Variants in ANTXR2 observed in about 807,000 individuals in gnomAD.
ANTXR2 encodes ANTXR cell adhesion molecule 2, also known as anthrax toxin receptor 2.
In ANTXR2, 44 loss-of-function variants were observed where a neutral mutation model predicts 73.7. That is an observed-to-expected ratio of 0.60 (90% CI 0.47 to 0.77). The LOEUF (loss-of-function observed/expected upper bound fraction) is 0.77. Ranked by LOEUF, ANTXR2 falls within the 30% of genes least tolerant of loss-of-function variation. The pLI, the probability that ANTXR2 is intolerant of heterozygous loss-of-function variation, is 0.00. For missense variants in ANTXR2, 604 were observed against 592.5 expected, an observed-to-expected ratio of 1.02 and a Z score of -0.20; for synonymous variants, 217 against 205.9, an observed-to-expected ratio of 1.05 and a Z score of -0.46.
chr4:80,040,490 TG>T (rs1451841744), intron 7 of ANTXR2, among the ~76,000 whole-genome samples: 6 of 152,042 alleles, frequency 3.9e-5, no homozygotes, highest in Non-Finnish European at 2.9e-5. Context: ...ACTCCATCAT[TG>T]GTACAAGAGA....
Position 80,055,838 on chromosome 4 carries a change from T to C in ANTXR2, c.378+94A>G, listed in dbSNP as rs1578189998. Reference sequence around the variant, plus strand: ...CACTTTAAAAACTTTAAGATAAATATGTAATGAGGTTACTGAGCTTTGCTA... The same window carrying C: ...CACTTTAAAAACTTTAAGATAAATACGTAATGAGGTTACTGAGCTTTGCTA... On this transcript the variant is annotated intron_variant, in intron 4 of 16. Transcript: ENST00000403729. The C allele has an allele frequency of 8.8e-6, 8 of 906,190 alleles. No homozygotes were observed. In the East Asian group the frequency reaches 1.8e-4, roughly 20 times the overall value. 56.1% of individuals were successfully genotyped at this position (906,190 alleles called of 1,614,324 possible).
chr4:80,004,318 A>C (rs1259843332), intron 12 of ANTXR2, among the ~76,000 whole-genome samples: 1 of 152,074 alleles, frequency 6.6e-6, no homozygotes, highest in Non-Finnish European at 1.5e-5. Context: ...AACTCTGGGG[A>C]ATATCAGAAA....
chr4:79,974,161 T>C (rs1729537141), intron 16 of ANTXR2, among the ~76,000 whole-genome samples: 1 of 152,210 alleles, frequency 6.6e-6, no homozygotes, highest in Non-Finnish European at 1.5e-5. Context: ...TGTCCATCTG[T>C]GAGAAAAGGC....
chr4:80,063,829 T>C (rs1233110206), intron 3 of ANTXR2, among the ~76,000 whole-genome samples: 1 of 152,174 alleles, frequency 6.6e-6, no homozygotes, highest in African/African-American at 2.4e-5. Context: ...GATAAGCATT[T>C]AGATTGAATA....
intron 8 of ANTXR2, 126 bp from the exon 9 acceptor site, chr4:80,033,696 C>A: frequency 1.5e-6 from 1 of 662,614 alleles, no homozygotes; most frequent in Non-Finnish European, 2.5e-6. Context: ...TAACTAATAG[C>A]AATGAAGACA....
chr4:80,020,593 C>T (rs1267480286), intron 10 of ANTXR2, among the ~76,000 whole-genome samples: 6 of 152,104 alleles, frequency 3.9e-5, no homozygotes, highest in African/African-American at 1.4e-4. Context: ...GGGCAGGAGG[C>T]CCAGAAATGT....
At chr4:79,910,511 A>G (rs1727086843) in intron 16 of ANTXR2, among the ~76,000 whole-genome samples, 4 of 131,254 alleles carry the variant, frequency 3.0e-5, no homozygotes, top group East Asian at 5.2e-4. Context: ...CCGTCTCAAA[A>G]AAAAAAAAAA....
At chr4:79,956,010 G>A (rs1728873338) in intron 16 of ANTXR2, among the ~76,000 whole-genome samples, 1 of 152,126 alleles carries the variant, frequency 6.6e-6, no homozygotes, top group Non-Finnish European at 1.5e-5. Context: ...TTTTGAACAC[G>A]CTTGTCCCTC....
intron 16 of ANTXR2, among the ~76,000 whole-genome samples, chr4:79,962,958 A>G (rs542804887): frequency 6.6e-6 from 1 of 152,270 alleles, no homozygotes; most frequent in Non-Finnish European, 1.5e-5. Context: ...GAAGCATCAA[A>G]TCAATTGAGT....
intron 16 of ANTXR2, among the ~76,000 whole-genome samples, chr4:79,932,139 C>T (rs182870345): frequency 2.0e-5 from 3 of 152,082 alleles, no homozygotes; most frequent in Admixed American, 1.3e-4. Flanking sequence ...TCTCACAGTG[C>T]CTGGTAATAC....
intron 3 of ANTXR2, among the ~76,000 whole-genome samples, chr4:80,067,977 CTTAAAA>C (rs1341472954): frequency 7.9e-5 from 12 of 151,992 alleles, no homozygotes; most frequent in African/African-American, 2.9e-4. Context: ...TATCCCAGAA[CTTAAAA>C]TTAAAATTAA....
At position 79,984,808 on chromosome 4, in the gene ANTXR2, C is replaced by T; in HGVS notation, c.1086+11G>A. The T allele has an allele frequency of 6.2e-7, 1 of 1,604,100 alleles. No individual in the cohort carries two copies. The highest frequency in any genetic ancestry group is 8.5e-7 in the Non-Finnish European group (1 of 1,174,104). ...AAAACAGCCATATCAGTTTTTTAGG[C>T]ACTCACTTACCTCTTTTGGTGCAGG... On this transcript the variant is annotated intron_variant, in intron 13 of 16. Coordinates refer to ENST00000403729, the MANE Select transcript of ANTXR2 (RefSeq NM_058172.6).
At chr4:80,009,399 C>T (rs1484360167) in intron 11 of ANTXR2, among the ~76,000 whole-genome samples, 1 of 152,174 alleles carries the variant, frequency 6.6e-6, no homozygotes, top group Non-Finnish European at 1.5e-5. Context: ...TTTCTCTATA[C>T]TTTAATCTTT....
chr4:79,991,565 A>G (rs574273413), intron 12 of ANTXR2, among the ~76,000 whole-genome samples: 10 of 152,266 alleles, frequency 6.6e-5, no homozygotes, highest in African/African-American at 2.4e-4. Flanking sequence ...GAGAACTTAA[A>G]GCAGAACTAC....
chr4:79,917,996 A>C (rs1727422298), intron 16 of ANTXR2, among the ~76,000 whole-genome samples: 1 of 151,794 alleles, frequency 6.6e-6, no homozygotes, highest in African/African-American at 2.4e-5. Flanking sequence ...TGGGAACATC[A>C]GAAGAGATGG....
chr4:80,055,590 G>A, intron 4 of ANTXR2, 123 bp from the exon 5 acceptor site: 1 of 778,414 alleles, frequency 1.3e-6, no homozygotes, highest in Admixed American at 2.5e-5. Context: ...TTTAAAACAG[G>A]GTAATTTGTG....
intron 16 of ANTXR2, among the ~76,000 whole-genome samples, chr4:79,954,709 A>C (rs993560976): frequency 1.5e-4 from 23 of 152,206 alleles, no homozygotes; most frequent in African/African-American, 5.3e-4. Flanking sequence ...TTAATAAAGA[A>C]TATGTCATAT....
intron 10 of ANTXR2, among the ~76,000 whole-genome samples, chr4:80,022,430 A>C (rs538160077): frequency 6.6e-6 from 1 of 152,328 alleles, no homozygotes; most frequent in African/African-American, 2.4e-5. Context: ...TGGTACTGGC[A>C]CCATCATTAA....
At chr4:79,925,170 T>A (rs1727735319) in intron 16 of ANTXR2, among the ~76,000 whole-genome samples, 1 of 152,122 alleles carries the variant, frequency 6.6e-6, no homozygotes, top group South Asian at 2.1e-4. Context: ...TGTATCAGCA[T>A]TTTTATTTAG....
Sources: allele counts gnomAD v4.1 joint callset (sites outside exome capture counted in the v4.1 genomes callset), GRCh38; gene constraint gnomAD v4.1.1; transcripts MANE v1.5; gene names NCBI Gene and HGNC (gene_info 2026-07-23, HGNC 2026-07-21).